The following CADPS variants were observed in gnomAD, a reference collection of about 807,000 sequenced individuals.
CADPS encodes calcium-dependent secretion activator 1.
A neutral mutation model predicts 167.3 loss-of-function variants in CADPS; 57 were observed. The ratio of observed to expected loss-of-function variants is 0.34; its 90% CI spans 0.28 to 0.42. The LOEUF (loss-of-function observed/expected upper bound fraction) is 0.42, where lower values mean the gene tolerates loss of function less well. Ranked by LOEUF, CADPS falls within the 20% of genes least tolerant of loss-of-function variation. The probability of loss-of-function intolerance (pLI) is 1.00; values close to 1 mark genes in which losing one functional copy is unlikely to be tolerated. For missense variants in CADPS, 1,414 were observed against 1,738.1 expected (o/e 0.81, Z 3.32); for synonymous variants, 676 against 635.3 (o/e 1.06, Z -0.96).
intron 1 of CADPS, among the ~76,000 whole-genome samples, chr3:62,809,563 G>A (rs2152856791): frequency 6.6e-6 from 1 of 152,256 alleles, no homozygotes; most frequent in East Asian, 1.9e-4. Flanking sequence ...TCCCCAGACT[G>A]CCCAGTCTAA....
intron 1 of CADPS, among the ~76,000 whole-genome samples, chr3:62,785,757 G>A (rs2092354617): frequency 6.6e-6 from 1 of 152,114 alleles, no homozygotes; most frequent in South Asian, 2.1e-4. Context: ...AGTGCAAATA[G>A]GAAAAATATT....
At chr3:62,680,662 C>T (rs982572635) in intron 3 of CADPS, among the ~76,000 whole-genome samples, 3 of 152,000 alleles carry the variant, frequency 2.0e-5, no homozygotes, top group South Asian at 2.1e-4. Context: ...CTTCCGCTGC[C>T]GCAGATTGAT....
chr3:62,779,727 G>A, intron 1 of CADPS: 1 of 401,384 alleles, frequency 2.5e-6, no homozygotes, highest in Non-Finnish European at 5.0e-6. Flanking sequence ...CAGTTTTCCA[G>A]CCTAAGGTCC....
chr3:62,699,916 G>T (rs1325368950), intron 3 of CADPS, among the ~76,000 whole-genome samples: 1 of 152,014 alleles, frequency 6.6e-6, no homozygotes, highest in Non-Finnish European at 1.5e-5. Context: ...TATTGTCTAT[G>T]GCTGCTTTTG....
chr3:62,416,947 C>T (rs550653629), intron 28 of CADPS, among the ~76,000 whole-genome samples: 6 of 151,820 alleles, frequency 4.0e-5, no homozygotes, highest in Non-Finnish European at 5.9e-5. Context: ...TGGAGTGGCG[C>T]GATCACGGCT....
intron 9 of CADPS, among the ~76,000 whole-genome samples, chr3:62,560,814 C>T (rs1027432302): frequency 1.3e-5 from 2 of 152,266 alleles, no homozygotes; most frequent in Non-Finnish European, 1.5e-5. Flanking sequence ...GGCGCAGTGG[C>T]TTACGCCTGT....
intron 8 of CADPS, 53 bp downstream of exon 8, chr3:62,585,132 G>C (rs994016290): frequency 1.9e-6 from 3 of 1,540,142 alleles, no homozygotes; most frequent in Middle Eastern, 1.7e-4. Context: ...TTTTCATTTT[G>C]AGAAATGAAC....
At chr3:62,487,487 T>A (rs1395089651) in intron 21 of CADPS, among the ~76,000 whole-genome samples, 1 of 152,196 alleles carries the variant, frequency 6.6e-6, no homozygotes, top group African/African-American at 2.4e-5. Flanking sequence ...CTCCAGATTT[T>A]ATTGACAACT....
At chr3:62,850,056 T>C (rs1577298816) in intron 1 of CADPS, among the ~76,000 whole-genome samples, 1 of 111,958 alleles carries the variant, frequency 8.9e-6, no homozygotes, top group African/African-American at 3.3e-5. Flanking sequence ...TTTTCTAGTT[T>C]ATTTGTGTAG....
intron 1 of CADPS, among the ~76,000 whole-genome samples, chr3:62,781,645 C>A (rs1343297468): frequency 6.6e-6 from 1 of 152,096 alleles, no homozygotes; most frequent in Non-Finnish European, 1.5e-5. Flanking sequence ...AGAGAGAAAA[C>A]TAATCCTGGG....
chr3:62,516,242 T>C (rs1389706097), intron 15 of CADPS, 60 bp from the exon 16 acceptor site: 1 of 1,592,558 alleles, frequency 6.3e-7, no homozygotes, highest in African/African-American at 1.3e-5. Flanking sequence ...CACTCATCCA[T>C]ACTTCTTAGA....
intron 3 of CADPS, among the ~76,000 whole-genome samples, chr3:62,711,820 T>A (rs763647111): frequency 1.3e-5 from 2 of 152,252 alleles, no homozygotes; most frequent in African/African-American, 4.8e-5. Flanking sequence ...AAGAGCTATA[T>A]GCATGACTGA....
At chr3:62,449,111 A>G (rs1214760132) in intron 26 of CADPS, among the ~76,000 whole-genome samples, 1 of 152,220 alleles carries the variant, frequency 6.6e-6, no homozygotes, top group Non-Finnish European at 1.5e-5. Context: ...GTTCCAGAGT[A>G]TAGAATCAGA....
At chr3:62,451,820 T>C (rs1390144703) in intron 26 of CADPS, among the ~76,000 whole-genome samples, 1 of 152,214 alleles carries the variant, frequency 6.6e-6, no homozygotes, top group African/African-American at 2.4e-5. Flanking sequence ...GATGCTGTTT[T>C]GCTCCCTTTT....
chr3:62,701,726 G>C (rs2081432043), intron 3 of CADPS, among the ~76,000 whole-genome samples: 1 of 152,010 alleles, frequency 6.6e-6, no homozygotes, highest in Admixed American at 6.6e-5. Context: ...GCACAGATGT[G>C]GTTCAGAGAA....
At chr3:62,649,541 GTCTTTTTTTTTTTTTTTTTTTT>G (rs1369128499) in intron 5 of CADPS, among the ~76,000 whole-genome samples, 5 of 75,004 alleles carry the variant, frequency 6.7e-5, no homozygotes, top group Admixed American at 5.9e-4. Flanking sequence ...ACAATATGTG[GTCTTTTTTTTTTTTTTTTTTTT>G]TTTTTTTTTT....
At chr3:62,469,252 A>T (rs191090755) in intron 24 of CADPS, among the ~76,000 whole-genome samples, 1 of 152,166 alleles carries the variant, frequency 6.6e-6, no homozygotes, top group Non-Finnish European at 1.5e-5. Context: ...TTTCCCTGAT[A>T]TATGAGACTT....
At chr3:62,467,682 C>A (rs770433815) in intron 24 of CADPS, among the ~76,000 whole-genome samples, 1 of 152,032 alleles carries the variant, frequency 6.6e-6, no homozygotes, top group Non-Finnish European at 1.5e-5. Context: ...CATCCTGGAC[C>A]AATGAGAAGG....
In CADPS at chr3:62,654,013, T is replaced by C. The variant is rs189983983; in HGVS notation, c.970-2933A>G. Reference sequence around the variant, plus strand: ...GGCTGATGATCTTGACAAGAGCTACTAATGATTCATCACAAAAGAATCTCA... The same window carrying C: ...GGCTGATGATCTTGACAAGAGCTACCAATGATTCATCACAAAAGAATCTCA... On this transcript the variant is annotated intron_variant, in intron 4 of 29. Coordinates refer to ENST00000383710, the MANE Select transcript of CADPS (RefSeq NM_003716.4). Among the ~76,000 whole-genome samples, 24 of 152,336 alleles carry C rather than the reference T, an allele frequency of 1.6e-4. No individual in the cohort carries two copies. In the East Asian group the frequency reaches 2.1e-3, roughly 13 times the overall value.
Sources: allele counts gnomAD v4.1 joint callset (sites outside exome capture counted in the v4.1 genomes callset), GRCh38; gene constraint gnomAD v4.1.1; transcripts MANE v1.5; gene names NCBI Gene and HGNC (gene_info 2026-07-23, HGNC 2026-07-21).